The following KCNH7 variants were observed in gnomAD, a reference collection of about 807,000 sequenced individuals.
The protein encoded by KCNH7 is voltage-gated inwardly rectifying potassium channel KCNH7.
Under a neutral mutation model 120.8 loss-of-function variants are expected in KCNH7, and 49 were observed. The observed-to-expected ratio is 0.41, with a 90% CI of 0.32 to 0.51. KCNH7 has a LOEUF of 0.51. Ranked by LOEUF, KCNH7 falls within the 20% of genes least tolerant of loss-of-function variation. The pLI, the probability that KCNH7 is intolerant of heterozygous loss-of-function variation, is 0.38. For missense variants in KCNH7, 1,097 were observed against 1,446.6 expected (o/e 0.76, Z 3.92); for synonymous variants, 547 against 516.1 (o/e 1.06, Z -0.81).
chr2:162,812,935 A>G (rs1234870661), intron 2 of KCNH7, among the ~76,000 whole-genome samples: 1 of 152,130 alleles, frequency 6.6e-6, no homozygotes, highest in Non-Finnish European at 1.5e-5. Flanking sequence ...GCTAGAACTC[A>G]AAGATTCCTG....
At chr2:162,612,560 C>T (rs1683004888) in intron 2 of KCNH7, among the ~76,000 whole-genome samples, 1 of 152,006 alleles carries the variant, frequency 6.6e-6, no homozygotes, top group Non-Finnish European at 1.5e-5. Flanking sequence ...TATACAGGAA[C>T]ATCTGGCAAA....
At chr2:162,561,780 T>C (rs1574104465) in intron 2 of KCNH7, among the ~76,000 whole-genome samples, 2 of 152,324 alleles carry the variant, frequency 1.3e-5, no homozygotes, top group East Asian at 3.9e-4. Context: ...ACTGCAGCAT[T>C]GTTCACAGTA....
intron 2 of KCNH7, among the ~76,000 whole-genome samples, chr2:162,649,532 G>T (rs904234840): frequency 6.6e-6 from 1 of 152,116 alleles, no homozygotes; most frequent in East Asian, 1.9e-4. Flanking sequence ...AGTACAGCAT[G>T]TGTTTTCTTG....
chr2:162,488,891 A>G (rs917582173), intron 6 of KCNH7, among the ~76,000 whole-genome samples: 20 of 152,204 alleles, frequency 1.3e-4, no homozygotes, highest in Non-Finnish European at 2.6e-4. Flanking sequence ...TAACAGAATT[A>G]CACATAAATG....
At chr2:162,598,353 AC>A (rs1336208453) in intron 2 of KCNH7, among the ~76,000 whole-genome samples, 2 of 152,016 alleles carry the variant, frequency 1.3e-5, no homozygotes, top group Non-Finnish European at 2.9e-5. Flanking sequence ...AGTGAGAAAA[AC>A]CCCTTCAATT....
intron 2 of KCNH7, among the ~76,000 whole-genome samples, chr2:162,602,544 C>T (rs1420835476): frequency 6.6e-6 from 1 of 152,096 alleles, no homozygotes; most frequent in Non-Finnish European, 1.5e-5. Flanking sequence ...TCGCTGCCAT[C>T]ACAGGGCCTT....
intron 2 of KCNH7, among the ~76,000 whole-genome samples, chr2:162,627,522 T>C (rs749957149): frequency 1.3e-5 from 2 of 152,186 alleles, no homozygotes; most frequent in Non-Finnish European, 2.9e-5. Context: ...AGATAACACA[T>C]AGTTCACAGT....
At chr2:162,452,814 C>T (rs747518814) in intron 6 of KCNH7, among the ~76,000 whole-genome samples, 4 of 151,948 alleles carry the variant, frequency 2.6e-5, no homozygotes, top group African/African-American at 4.8e-5. Context: ...CAGAAAACTG[C>T]CACTAAATGT....
At chr2:162,667,546 C>T (rs186787729) in intron 2 of KCNH7, among the ~76,000 whole-genome samples, 2 of 152,224 alleles carry the variant, frequency 1.3e-5, no homozygotes, top group Admixed American at 1.3e-4. Context: ...TGCTATATTT[C>T]TTTCCTCAAA....
intron 2 of KCNH7, among the ~76,000 whole-genome samples, chr2:162,764,293 G>A (rs996318553): frequency 6.6e-6 from 1 of 151,958 alleles, no homozygotes; most frequent in Non-Finnish European, 1.5e-5. Flanking sequence ...TGATTTTATG[G>A]CTAGCATGAT....
intron 12 of KCNH7, 85 bp downstream of exon 12, chr2:162,394,304 G>T: frequency 1.2e-6 from 1 of 812,362 alleles, no homozygotes; most frequent in Non-Finnish European, 2.1e-6. Flanking sequence ...ATATACTCTT[G>T]AAGTCAGAAG....
chr2:162,402,317 C>G (rs1458238648), intron 9 of KCNH7, among the ~76,000 whole-genome samples: 1 of 149,740 alleles, frequency 6.7e-6, no homozygotes. Context: ...CTTCATTGGA[C>G]TCTTTGGCAA....
At chr2:162,656,022 T>C (rs1460218979) in intron 2 of KCNH7, among the ~76,000 whole-genome samples, 1 of 152,204 alleles carries the variant, frequency 6.6e-6, no homozygotes, top group African/African-American at 2.4e-5. Flanking sequence ...TATGTACATC[T>C]ACAATCACTT....
intron 2 of KCNH7, among the ~76,000 whole-genome samples, chr2:162,590,823 A>C (rs982867990): frequency 2.0e-5 from 3 of 151,970 alleles, no homozygotes; most frequent in African/African-American, 7.2e-5. Context: ...ATTTCCACGC[A>C]CATCTGTTAG....
chr2:162,555,262 C>G (rs993888035), intron 2 of KCNH7, among the ~76,000 whole-genome samples: 4 of 152,166 alleles, frequency 2.6e-5, no homozygotes, highest in African/African-American at 4.8e-5. Context: ...CGTCCTTCCT[C>G]TCCCCCATCA....
At chr2:162,772,283 T>C (rs1014175396) in intron 2 of KCNH7, among the ~76,000 whole-genome samples, 5 of 152,192 alleles carry the variant, frequency 3.3e-5, no homozygotes, top group Non-Finnish European at 5.9e-5. Context: ...GACTTTTTAA[T>C]TTTTTATGAG....
intron 2 of KCNH7, among the ~76,000 whole-genome samples, chr2:162,745,942 C>T (rs1023787396): frequency 6.6e-6 from 1 of 151,722 alleles, no homozygotes; most frequent in Non-Finnish European, 1.5e-5. Context: ...TTTGCTACCT[C>T]CCAGCTCAGC....
At chr2:162,460,842 T>C (rs1689124344) in intron 6 of KCNH7, among the ~76,000 whole-genome samples, 2 of 152,224 alleles carry the variant, frequency 1.3e-5, no homozygotes, top group South Asian at 4.1e-4. Context: ...TAGCTAACGT[T>C]CCAAGGTGGT....
intron 6 of KCNH7, among the ~76,000 whole-genome samples, chr2:162,468,873 A>G (rs1363574682): frequency 6.6e-6 from 1 of 151,234 alleles, no homozygotes; most frequent in Non-Finnish European, 1.5e-5. Context: ...TTTTTAAAGA[A>G]AGGAGCTTGC....
Sources: gnomAD v4.1 joint callset for allele counts (sites outside exome capture counted in the v4.1 genomes callset) on GRCh38, gnomAD v4.1.1 for gene constraint, MANE v1.5 for transcripts, NCBI Gene and HGNC (gene_info 2026-07-23, HGNC 2026-07-21) for gene names.